The following NHLRC2 variants were observed in gnomAD, a reference collection of about 807,000 sequenced individuals.
The protein encoded by NHLRC2 is NHL repeat-containing protein 2.
A neutral mutation model predicts 68.1 loss-of-function variants in NHLRC2; 33 were observed. The ratio of observed to expected loss-of-function variants is 0.48; its 90% CI spans 0.37 to 0.65. The LOEUF (loss-of-function observed/expected upper bound fraction) is 0.65, where lower values mean the gene tolerates loss of function less well. Among genes scored for constraint, NHLRC2 ranks in the 30% least tolerant of loss-of-function variants. The pLI is 0.00. For missense variants in NHLRC2, 761 were observed against 853.8 expected, an observed-to-expected ratio of 0.89 and a Z score of 1.35; for synonymous variants, 311 against 309.6, an observed-to-expected ratio of 1.00 and a Z score of -0.05.
At chr10:113,892,799 G>A (rs1846144665) in intron 5 of NHLRC2, among the ~76,000 whole-genome samples, 1 of 152,108 alleles carries the variant, frequency 6.6e-6, no homozygotes, top group Admixed American at 6.5e-5. Context: ...CTTAGTAGTT[G>A]TGTGACTTTG....
chr10:113,908,596 T>C lies in NHLRC2; in HGVS notation c.*60T>C, dbSNP rs866795022. ...TACTGTCTCCCATCCTGACTATCAC[T>C]GTAATTTAAGGAAAGAAAACTTCAG... On this transcript the variant is annotated 3_prime_UTR_variant, in exon 11 of 11. Transcript: ENST00000369301. 7.0e-6 allele frequency: 11 copies of C among 1,570,944 alleles called. No homozygotes were observed. The Middle Eastern group carries it at 1.6e-3, about 224-fold the overall frequency.
chr10:113,876,005 G>A (rs553595438), intron 2 of NHLRC2, among the ~76,000 whole-genome samples: 1 of 148,528 alleles, frequency 6.7e-6, no homozygotes, highest in South Asian at 2.1e-4. Flanking sequence ...AGAAAGGCTT[G>A]TTCTAAGAAC....
At chr10:113,905,582 A>C (rs1846268788) in intron 10 of NHLRC2, among the ~76,000 whole-genome samples, 1 of 152,308 alleles carries the variant, frequency 6.6e-6, no homozygotes, top group African/African-American at 2.4e-5. Flanking sequence ...AAAATTTTAA[A>C]GTGAAATTTT....
chr10:113,912,962 T>C lies in NHLRC2; in HGVS notation c.*4426T>C, dbSNP rs1260621257. 1 of 152,214 alleles carries C rather than the reference T, an allele frequency of 6.6e-6. No homozygotes were observed. The highest frequency in any genetic ancestry group is 1.5e-5 in the Non-Finnish European group (1 of 68,032). The allele number at this position is 152,214 out of a possible 1,614,324, so 9.4% of individuals were successfully genotyped here. On this transcript the variant is annotated 3_prime_UTR_variant, in exon 11 of 11. Transcript: ENST00000369301. ...TCTTCCATGGACACTTTCTTAAGCCTTCACATAAAATAACAAGAATAATAG... is the reference window on the plus strand; with the variant it reads ...TCTTCCATGGACACTTTCTTAAGCCCTCACATAAAATAACAAGAATAATAG...
intron 6 of NHLRC2, 124 bp from the exon 7 acceptor site, chr10:113,901,542 C>T: frequency 1.5e-6 from 1 of 662,480 alleles, no homozygotes; most frequent in East Asian, 2.6e-5. Context: ...AGACCAAGAT[C>T]ACTAGTTTGT....
chr10:113,868,687 TTAAA>T (rs1313986415), intron 2 of NHLRC2, among the ~76,000 whole-genome samples: 2 of 152,320 alleles, frequency 1.3e-5, no homozygotes, highest in Admixed American at 1.3e-4. Flanking sequence ...AGGCATATAA[TTAAA>T]TAATCATACA....
At position 113,857,741 on chromosome 10, in the gene NHLRC2, C is replaced by G. The variant is rs948444203; in HGVS notation, c.179-787C>G. ...TTCTTTTTTTGGAGGAAAGGGAACA[C>G]GTTCTTCATTAATATTAATGTTACC... is the stretch of plus-strand genomic sequence containing the variant. On this transcript the variant is annotated intron_variant, in intron 1 of 10. Transcript: ENST00000369301. Among the ~76,000 whole-genome samples the G allele has an allele frequency of 2.0e-5, 3 of 152,024 alleles. No individual in the cohort carries two copies. The South Asian group carries it at 6.2e-4, about 31-fold the overall frequency.
chr10:113,896,871 G>A (rs1269350361), intron 5 of NHLRC2, among the ~76,000 whole-genome samples: 2 of 151,780 alleles, frequency 1.3e-5, no homozygotes. Context: ...GCGGGTGCCT[G>A]TAGTCCCAGC....
At chr10:113,876,355 T>A (rs1022442173) in intron 2 of NHLRC2, among the ~76,000 whole-genome samples, 166 bp from the exon 3 acceptor site, 16 of 152,182 alleles carry the variant, frequency 1.1e-4, no homozygotes, top group African/African-American at 3.9e-4. Context: ...ATTTGTTAGT[T>A]TTTTATGTGT....
At chr10:113,895,352 T>G (rs1051836127) in intron 5 of NHLRC2, among the ~76,000 whole-genome samples, 1 of 152,228 alleles carries the variant, frequency 6.6e-6, no homozygotes, top group African/African-American at 2.4e-5. Context: ...GCTGCTGGCC[T>G]CTTAGACCTT....
intron 5 of NHLRC2, 31 bp downstream of exon 5, chr10:113,884,411 G>A: frequency 1.3e-6 from 2 of 1,579,082 alleles, no homozygotes; most frequent in Non-Finnish European, 1.7e-6. Context: ...AAATGTAAAG[G>A]TAAATTTTAC....
At chr10:113,905,154 G>A (rs2134740876) in intron 10 of NHLRC2, 118 bp downstream of exon 10, 1 of 487,886 alleles carries the variant, frequency 2.0e-6, no homozygotes, top group South Asian at 5.2e-5. Context: ...AAGATCATAT[G>A]AACAAATGAA....
At chr10:113,876,384 A>G (rs1845980208) in intron 2 of NHLRC2, 137 bp from the exon 3 acceptor site, 1 of 486,464 alleles carries the variant, frequency 2.1e-6, no homozygotes, top group Admixed American at 3.8e-5. Flanking sequence ...GCAGTTGAAG[A>G]TCCCAGCGTA....
chr10:113,893,494 C>T (rs770773381), intron 5 of NHLRC2, among the ~76,000 whole-genome samples: 13 of 152,102 alleles, frequency 8.5e-5, no homozygotes, highest in Non-Finnish European at 1.6e-4. Context: ...AAATAATCCA[C>T]GTAAAATTAT....
chr10:113,870,209 T>C (rs1356028808), intron 2 of NHLRC2, among the ~76,000 whole-genome samples: 1 of 152,208 alleles, frequency 6.6e-6, no homozygotes, highest in Non-Finnish European at 1.5e-5. Context: ...TCTATTTGTA[T>C]TTCATTTTAA....
Position 113,915,595 on chromosome 10 carries a change from G to T in NHLRC2, c.*7059G>T. 4.3e-6 allele frequency: 1 copy of T among 234,414 alleles called. No homozygotes were observed. The highest frequency in any genetic ancestry group is 5.3e-5 in the South Asian group (1 of 18,892). 14.5% of individuals were successfully genotyped at this position (234,414 alleles called of 1,614,324 possible). A position where few individuals can be genotyped will look rare whatever the true frequency, so the allele number is the denominator to read the frequency against. On this transcript the variant is annotated 3_prime_UTR_variant, in exon 11 of 11. Coordinates refer to ENST00000369301, the MANE Select transcript of NHLRC2 (RefSeq NM_198514.4). ...GAGAAGTAGACAAAATCAGCTCTCA[G>T]ACTTAACTCTCCCCAATTAAAATAG...
rs1846327146 is a variant in NHLRC2, at chr10:113,911,342, T to G, written c.*2806T>G. 1 of 152,176 alleles carries G rather than the reference T, an allele frequency of 6.6e-6. No homozygotes were observed. Among genetic ancestry groups the G allele is most frequent in the Non-Finnish European group, 1.5e-5 (1 of 68,000 alleles). 9.4% of individuals were successfully genotyped at this position (152,176 alleles called of 1,614,324 possible). A position where few individuals can be genotyped will look rare whatever the true frequency, so the allele number is the denominator to read the frequency against. ...GCAAATATTTAACAAGAGAAAACTTTGTAGTTTAATCACCCATAAGTGTAA... is the reference window on the plus strand; with the variant it reads ...GCAAATATTTAACAAGAGAAAACTTGGTAGTTTAATCACCCATAAGTGTAA... On this transcript the variant is annotated 3_prime_UTR_variant, in exon 11 of 11. Coordinates refer to ENST00000369301, the MANE Select transcript of NHLRC2 (RefSeq NM_198514.4).
Position 113,858,566 on chromosome 10 carries a change from T to A in NHLRC2, c.217T>A (p.Tyr73Asn), listed in dbSNP as rs141559345. The A allele has an allele frequency of 4.2e-5, 68 of 1,609,038 alleles. No individual in the cohort carries two copies. Among genetic ancestry groups the A allele is most frequent in the Admixed American group, 3.0e-4 (18 of 59,972 alleles). Residue 73 changes from tyrosine (Y) to asparagine (N), a missense_variant, in exon 2 of 11, where the codon TAC becomes AAC. Physicochemically the swap from Tyr to Asn is moderately radical, Grantham distance 143 (BLOSUM62 -2). Transcript: ENST00000369301. ...GAACACAGAAGAACCTATTTCTGTC[T>A]ACAAGGATCTATGTGGAAAAATAGT... ...WLNTEEPISV[Y>N]KDLCGKIVVL...
chr10:113,872,890 C>G (rs888185701), intron 2 of NHLRC2, among the ~76,000 whole-genome samples: 6 of 151,954 alleles, frequency 3.9e-5, no homozygotes, highest in African/African-American at 1.4e-4. Flanking sequence ...GAACAAATAT[C>G]TAAAATTAGA....
Sources: allele counts gnomAD v4.1 joint callset (sites outside exome capture counted in the v4.1 genomes callset), GRCh38; gene constraint gnomAD v4.1.1; transcripts MANE v1.5; gene names NCBI Gene and HGNC (gene_info 2026-07-23, HGNC 2026-07-21).